The following RGS8 variants were observed in gnomAD, a reference collection of about 807,000 sequenced individuals.
The protein encoded by RGS8 is regulator of G protein signaling 8, also known as regulator of G-protein signaling 8.
Under a neutral mutation model 21.7 loss-of-function variants are expected in RGS8, and 8 were observed. The ratio of observed to expected loss-of-function variants is 0.37; its 90% CI spans 0.22 to 0.66. RGS8 has a LOEUF of 0.66. RGS8 is among the 30% of genes least tolerant of loss of function. The pLI, the probability that RGS8 is intolerant of heterozygous loss-of-function variation, is 0.59. For missense variants in RGS8, 157 were observed against 217.9 expected (o/e 0.72, Z 1.76); for synonymous variants, 80 against 83.6 (o/e 0.96, Z 0.24).
chr1:182,663,644 C>A (rs1663710268), intron 5 of RGS8, among the ~76,000 whole-genome samples: 1 of 152,168 alleles, frequency 6.6e-6, no homozygotes, highest in East Asian at 1.9e-4. Context: ...AATCCTCCTG[C>A]CTCAGCCTCC....
At chr1:182,726,930 C>G in the RGS8 span, among the ~76,000 whole-genome samples, 10 of 152,090 alleles carry the variant, frequency 6.6e-5, no homozygotes, top group Non-Finnish European at 1.5e-4. Flanking sequence ...TATCATGGAC[C>G]TTCCTGGCTG....
At chr1:182,689,247 GCGCA>G (rs377143013), upstream of RGS8, among the ~76,000 whole-genome samples, 1,683 of 148,216 alleles carry the variant, frequency 0.011, 31 homozygotes, top group African/African-American at 0.04. Flanking sequence ...TCTCGTGCAC[GCGCA>G]CGCACACACA....
chr1:182,728,574 C>T, the RGS8 span, among the ~76,000 whole-genome samples: 1 of 152,086 alleles, frequency 6.6e-6, no homozygotes, highest in Non-Finnish European at 1.5e-5. Context: ...CTAAAATCCT[C>T]ACCTAAATGA....
At chr1:182,656,895 TG>T (rs1557887435) in intron 5 of RGS8, among the ~76,000 whole-genome samples, 1 of 152,190 alleles carries the variant, frequency 6.6e-6, no homozygotes, top group Non-Finnish European at 1.5e-5. Flanking sequence ...TCACCCACTT[TG>T]TATGCCTATC....
the RGS8 span, among the ~76,000 whole-genome samples, chr1:182,747,378 T>G: frequency 8.3e-4 from 126 of 152,312 alleles, no homozygotes; most frequent in Non-Finnish European, 1.4e-3. Flanking sequence ...GCTTCCCATT[T>G]AAAGATGCCA....
At chr1:182,661,879 G>A (rs1663609168) in intron 5 of RGS8, among the ~76,000 whole-genome samples, 1 of 151,196 alleles carries the variant, frequency 6.6e-6, no homozygotes, top group African/African-American at 2.4e-5. Flanking sequence ...ACAACTCACA[G>A]ACATGGAGCC....
intron 5 of RGS8, among the ~76,000 whole-genome samples, chr1:182,658,952 T>C (rs532322196): frequency 2.4e-4 from 37 of 152,378 alleles, no homozygotes; most frequent in African/African-American, 8.7e-4. Context: ...CCATTTGATA[T>C]GCTAATTATA....
At position 182,648,235 on chromosome 1, in the gene RGS8, C is replaced by T. The variant is rs142056098; in HGVS notation, c.262G>A (p.Ala88Thr). The T allele has an allele frequency of 1.0e-4, 166 of 1,613,704 alleles. No homozygotes were observed. Among genetic ancestry groups the T allele is most frequent in the Non-Finnish European group, 1.3e-4 (152 of 1,179,794 alleles). The change falls in exon 6 of 7, where the codon GCC (alanine) becomes ACC (threonine). Residue 88 changes from alanine to threonine, a missense_variant. By Grantham distance (58) the Ala-to-Thr change is moderately conservative. Around this residue, in one of 3 missense-constraint regions of RGS8, gnomAD observed 125 missense variants for 179.4 expected, o/e 0.70. Coordinates refer to ENST00000483095, the Ensembl canonical transcript of RGS8. ...CTGGTCTTCTTGAACTCCTCACAGG[C>T]CAACCAGAATTCCAGGTTCTCCTCA...
the RGS8 span, among the ~76,000 whole-genome samples, chr1:182,724,203 T>G: frequency 4.8e-3 from 87 of 17,992 alleles, no homozygotes; most frequent in African/African-American, 8.5e-3. Context: ...CTAGACTGGA[T>G]ATATATATAT....
At chr1:182,643,333 C>CCCCCCCCCCCCCCCCCG (rs1320966882), downstream of RGS8, 2 of 126,356 alleles carry the variant, frequency 1.6e-5, no homozygotes, top group African/African-American at 7.3e-5. Flanking sequence ...GCCCCCCCGC[C>CCCCCCCCCCCCCCCCCG]CCCGCGCTGT....
chr1:182,645,637 T>C (rs1662668047), downstream of RGS8: 1 of 152,230 alleles, frequency 6.6e-6, no homozygotes. Context: ...TGCTTCATAG[T>C]ATCCAAGAGA....
At chr1:182,745,020 G>A in the RGS8 span, among the ~76,000 whole-genome samples, 1 of 152,066 alleles carries the variant, frequency 6.6e-6, no homozygotes, top group East Asian at 1.9e-4. Flanking sequence ...TACATATATG[G>A]TCTTTTTGAA....
chr1:182,692,006 C>CTTT, the RGS8 span, among the ~76,000 whole-genome samples: 1 of 138,248 alleles, frequency 7.2e-6, no homozygotes, highest in Non-Finnish European at 1.6e-5. Flanking sequence ...GTTAGCATTT[C>CTTT]TTTTTTTTTT....
At chr1:182,732,301 A>ACACACACACACACACACACACACC in the RGS8 span, among the ~76,000 whole-genome samples, 2 of 150,538 alleles carry the variant, frequency 1.3e-5, no homozygotes. Context: ...ACACACACAC[A>ACACACACACACACACACACACACC]CCCACTGTAG....
chr1:182,709,383 T>G, the RGS8 span, among the ~76,000 whole-genome samples: 1 of 151,988 alleles, frequency 6.6e-6, no homozygotes. Context: ...CACACACACA[T>G]CCTTTCCATA....
the RGS8 span, chr1:182,734,523 G>A: frequency 1.3e-5 from 2 of 152,146 alleles, no homozygotes; most frequent in African/African-American, 4.8e-5. Context: ...TTCTTTTCAA[G>A]ATCTTGATAC....
chr1:182,741,772 C>A, the RGS8 span, among the ~76,000 whole-genome samples: 8 of 108,910 alleles, frequency 7.3e-5, no homozygotes, highest in Admixed American at 1.7e-4. Flanking sequence ...CCACCTCCCT[C>A]CCGGACGGGG....
At chr1:182,711,162 G>T in the RGS8 span, among the ~76,000 whole-genome samples, 1 of 152,144 alleles carries the variant, frequency 6.6e-6, no homozygotes, top group Admixed American at 6.6e-5. Context: ...GTGAACAGGT[G>T]ATGAGCCAGT....
the RGS8 span, among the ~76,000 whole-genome samples, chr1:182,732,828 A>C: frequency 3.0e-4 from 45 of 152,360 alleles, no homozygotes; most frequent in Middle Eastern, 3.4e-3. Flanking sequence ...GTGAAAAAGA[A>C]TCAAGAGTCC....
Sources: gnomAD v4.1 joint callset for allele counts (sites outside exome capture counted in the v4.1 genomes callset) on GRCh38, gnomAD v4.1.1 for gene constraint, gnomAD v4.1.1 regional missense constraint, MANE v1.5 for transcripts, NCBI Gene and HGNC (gene_info 2026-07-23, HGNC 2026-07-21) for gene names.